TEK: variants seen among roughly 807,000 people sequenced by gnomAD.
TEK encodes angiopoietin-1 receptor.
In TEK, 43 loss-of-function variants were observed where a neutral mutation model predicts 131.8. That is an observed-to-expected ratio of 0.33 (90% CI 0.26 to 0.42). The LOEUF (loss-of-function observed/expected upper bound fraction) is 0.42. Among genes scored for constraint, TEK ranks in the 10% least tolerant of loss-of-function variants. The pLI, the probability that TEK is intolerant of heterozygous loss-of-function variation, is 1.00. For missense variants in TEK, 1,162 were observed against 1,384.4 expected, an observed-to-expected ratio of 0.84 and a Z score of 2.55; for synonymous variants, 580 against 491.6, an observed-to-expected ratio of 1.18 and a Z score of -2.38.
chr9:27,147,791 A>G (rs969327120), intron 1 of TEK, among the ~76,000 whole-genome samples: 1 of 152,080 alleles, frequency 6.6e-6, no homozygotes, highest in Admixed American at 6.5e-5. Flanking sequence ...CTTTTTTTGC[A>G]TATTGATGTC....
chr9:27,170,550 G>A (rs866569845), intron 4 of TEK, among the ~76,000 whole-genome samples: 6 of 152,122 alleles, frequency 3.9e-5, no homozygotes, highest in African/African-American at 9.7e-5. Flanking sequence ...GTTCAAGCTC[G>A]GGAGGTCGAG....
chr9:27,152,048 G>C (rs1396894775), intron 1 of TEK, among the ~76,000 whole-genome samples: 4 of 152,160 alleles, frequency 2.6e-5, no homozygotes, highest in Admixed American at 6.5e-5. Flanking sequence ...TTTGGCCAAG[G>C]AAGTGCTAAT....
Position 27,169,509 on chromosome 9 carries a change from GT to G in TEK, c.509del (p.Val170AspfsTer5), listed in dbSNP as rs1823870491. ...SFIHSVPRHE[V>X]PDILEVHLPH... ...CATCCATTCAGTGCCCCGGCATGAA[GT>G]ACCTGATATTCTAGAAGTACACCTG... On this transcript the variant is annotated frameshift_variant, in exon 4 of 23. Transcript: ENST00000380036. LOFTEE classifies it high-confidence loss of function. 6.2e-7 allele frequency: 1 copy of G among 1,613,996 alleles called. No individual in the cohort carries two copies. Among genetic ancestry groups the G allele is most frequent in the Non-Finnish European group, 8.5e-7 (1 of 1,179,968 alleles).
chr9:27,174,145 A>G (rs1387112655), intron 6 of TEK, among the ~76,000 whole-genome samples: 1 of 152,136 alleles, frequency 6.6e-6, no homozygotes, highest in Non-Finnish European at 1.5e-5. Context: ...TATGCATTTC[A>G]CATCTACTGT....
chr9:27,202,464 A>G (rs1244265792), intron 12 of TEK, among the ~76,000 whole-genome samples: 1 of 152,232 alleles, frequency 6.6e-6, no homozygotes, highest in Non-Finnish European at 1.5e-5. Flanking sequence ...AATATATACA[A>G]GAGACTAGAT....
intron 1 of TEK, among the ~76,000 whole-genome samples, chr9:27,130,502 A>G (rs1416380580): frequency 6.6e-6 from 1 of 152,302 alleles, no homozygotes; most frequent in African/African-American, 2.4e-5. Context: ...AAGAAACCAC[A>G]AAACTAAAAA....
intron 1 of TEK, among the ~76,000 whole-genome samples, chr9:27,133,529 C>G (rs1216590410): frequency 1.3e-5 from 2 of 152,178 alleles, no homozygotes; most frequent in African/African-American, 4.8e-5. Flanking sequence ...ATGATGCATC[C>G]AACCTGAAAG....
intron 1 of TEK, among the ~76,000 whole-genome samples, chr9:27,133,323 A>C (rs17694761): frequency 1.3e-5 from 2 of 151,994 alleles, no homozygotes; most frequent in Non-Finnish European, 2.9e-5. Context: ...GGAAAGGTCT[A>C]AGAATTTCTG....
At chr9:27,150,803 C>A (rs147514540) in intron 1 of TEK, among the ~76,000 whole-genome samples, 232 of 152,252 alleles carry the variant, frequency 1.5e-3, no homozygotes, top group African/African-American at 5.4e-3. Context: ...AAAAAGTTTC[C>A]TGCCAGCTGA....
intron 19 of TEK, among the ~76,000 whole-genome samples, chr9:27,218,333 C>CTGTATGCAAGGTGCTTTTTATGTTTCTCT (rs367670539): frequency 8.5e-5 from 13 of 152,136 alleles, no homozygotes; most frequent in African/African-American, 2.7e-4. Flanking sequence ...TGTGTCCTCA[C>CTGTATGCAAGGTGCTTTTTATGTTTCTCT]TGTATGCAAG....
At chr9:27,157,099 A>T (rs1823361321) in intron 1 of TEK, among the ~76,000 whole-genome samples, 1 of 152,220 alleles carries the variant, frequency 6.6e-6, no homozygotes, top group Admixed American at 6.5e-5. Flanking sequence ...TAAAATTTAA[A>T]GTTTGGGTAA....
intron 12 of TEK, among the ~76,000 whole-genome samples, chr9:27,202,457 A>T (rs1055805285): frequency 6.6e-6 from 1 of 152,220 alleles, no homozygotes; most frequent in African/African-American, 2.4e-5. Context: ...GTGAGTTAAT[A>T]TATACAAGAG....
At chr9:27,122,176 G>T (rs542027092) in intron 1 of TEK, among the ~76,000 whole-genome samples, 2 of 152,290 alleles carry the variant, frequency 1.3e-5, no homozygotes, top group East Asian at 3.9e-4. Flanking sequence ...CTAGGAATCT[G>T]CTAGGCATTG....
At chr9:27,157,749 C>G (rs1823387503) in intron 1 of TEK, 82 bp from the exon 2 acceptor site, 3 of 1,472,710 alleles carry the variant, frequency 2.0e-6, no homozygotes, top group Admixed American at 1.7e-5. Flanking sequence ...AACTTTAAGA[C>G]AAGGCTTTGT....
chr9:27,196,921 G>A (rs1281409471), intron 11 of TEK, among the ~76,000 whole-genome samples: 1 of 151,682 alleles, frequency 6.6e-6, no homozygotes, highest in Non-Finnish European at 1.5e-5. Context: ...GTGCAGGTTA[G>A]TTACATATGT....
At position 27,137,535 on chromosome 9, in the gene TEK, AT is replaced by A. The variant is rs551866016; in HGVS notation, c.53-20291del. ...TTAGCAAAACCAGCTGGCCCTATGGATTTTTGGTGAGATAAGTTAGGCTTTT... is the reference window on the plus strand; with the variant it reads ...TTAGCAAAACCAGCTGGCCCTATGGATTTTGGTGAGATAAGTTAGGCTTTT... On this transcript the variant is annotated intron_variant, in intron 1 of 22. Transcript: ENST00000380036. 3.3e-3 allele frequency among the ~76,000 whole-genome samples: 498 copies of A among 152,216 alleles called. 3 individuals carry two copies. The highest frequency in any genetic ancestry group is 0.011 in the African/African-American group (473 of 41,558).
At chr9:27,199,655 A>G (rs1229846633) in intron 12 of TEK, among the ~76,000 whole-genome samples, 2 of 152,044 alleles carry the variant, frequency 1.3e-5, no homozygotes, top group East Asian at 1.9e-4. Flanking sequence ...CTCTTTTTTG[A>G]TATACTTATT....
At chr9:27,111,523 C>A (rs1315646039) in intron 1 of TEK, among the ~76,000 whole-genome samples, 1 of 121,158 alleles carries the variant, frequency 8.3e-6, no homozygotes, top group Non-Finnish European at 1.7e-5. Flanking sequence ...TTTTTCTGAA[C>A]CCACAGACTG....
chr9:27,180,875 T>A (rs1405119092), intron 7 of TEK, among the ~76,000 whole-genome samples: 1 of 152,222 alleles, frequency 6.6e-6, no homozygotes, highest in Non-Finnish European at 1.5e-5. Flanking sequence ...TATCTTTTTT[T>A]AAACAGCTTT....
Sources: allele counts gnomAD v4.1 joint callset (sites outside exome capture counted in the v4.1 genomes callset), GRCh38; gene constraint gnomAD v4.1.1; transcripts MANE v1.5; gene names NCBI Gene and HGNC (gene_info 2026-07-23, HGNC 2026-07-21).